Variants in SMOC2 observed in about 807,000 individuals in gnomAD.
SMOC2 encodes the protein SPARC-related modular calcium-binding protein 2.
A neutral mutation model predicts 61.4 loss-of-function variants in SMOC2; 39 were observed. The observed-to-expected ratio is 0.64, with a 90% confidence interval of 0.49 to 0.83. The LOEUF is 0.83. Ranked by LOEUF, SMOC2 falls within the 40% of genes least tolerant of loss-of-function variation. The pLI is 0.00. For synonymous variants in SMOC2, 247 were observed against 239.9 expected (o/e 1.03, Z -0.27); for missense variants, 556 against 592.9 (o/e 0.94, Z 0.65).
chr6:168,539,539 T>C (rs948042090), intron 4 of SMOC2, among the ~76,000 whole-genome samples: 2 of 152,246 alleles, frequency 1.3e-5, no homozygotes, highest in African/African-American at 4.8e-5. Flanking sequence ...ACACTGTGCA[T>C]GGTGTCTGGG....
chr6:168,566,966 A>G (rs1016267743), intron 7 of SMOC2, among the ~76,000 whole-genome samples: 3 of 152,222 alleles, frequency 2.0e-5, no homozygotes, highest in Admixed American at 1.3e-4. Context: ...CGCTATCCTT[A>G]TTTATGATTA....
intron 9 of SMOC2, among the ~76,000 whole-genome samples, chr6:168,634,932 C>G (rs1483544692): frequency 3.3e-5 from 5 of 152,120 alleles, no homozygotes; most frequent in Admixed American, 6.6e-5. Context: ...ATATTTGGCT[C>G]AAGGAATACA....
intron 1 of SMOC2, among the ~76,000 whole-genome samples, chr6:168,490,448 C>T (rs568403749): frequency 6.6e-6 from 1 of 152,100 alleles, no homozygotes; most frequent in Non-Finnish European, 1.5e-5. Flanking sequence ...CCAGAGGGGA[C>T]CTTTCACTGG....
At position 168,463,230 on chromosome 6, in the gene SMOC2, C is replaced by A. The variant is rs182094664; in HGVS notation, c.84+21776C>A. Among the ~76,000 whole-genome samples the A allele has an allele frequency of 2.4e-3, 363 of 152,216 alleles. 1 individual carries two copies. The highest frequency in any genetic ancestry group is 3.4e-3 in the Middle Eastern group (1 of 294). ...TGTCTTCCTAATATTAAGTAATAGA[C>A]CCCCTTTTCCCGTACTTACCCCAAG... On this transcript the variant is annotated intron_variant, in intron 1 of 12. Coordinates refer to ENST00000356284, the MANE Select transcript of SMOC2 (RefSeq NM_001166412.2).
chr6:168,579,562 G>A (rs553086695), intron 7 of SMOC2, among the ~76,000 whole-genome samples: 7 of 152,320 alleles, frequency 4.6e-5, no homozygotes, highest in Admixed American at 2.0e-4. Flanking sequence ...GAATAAAGTC[G>A]CATTTCTGTA....
chr6:168,639,003 C>A (rs1786820296), intron 9 of SMOC2, among the ~76,000 whole-genome samples: 2 of 152,028 alleles, frequency 1.3e-5, no homozygotes, highest in East Asian at 1.9e-4. Context: ...TGTGTGTAGA[C>A]CTGGCTTCGT....
chr6:168,498,803 C>G (rs1782654867), intron 1 of SMOC2, among the ~76,000 whole-genome samples: 1 of 119,984 alleles, frequency 8.3e-6, no homozygotes, highest in African/African-American at 2.7e-5. Context: ...GTCAGAGTCT[C>G]TGGGGGGATG....
chr6:168,550,863 TAAA>T (rs1002620160), intron 7 of SMOC2, among the ~76,000 whole-genome samples: 29 of 152,224 alleles, frequency 1.9e-4, no homozygotes, highest in Middle Eastern at 3.2e-3. Flanking sequence ...TCACCCCATT[TAAA>T]AAAGTTATTT....
chr6:168,655,614 C>T (rs2115279612), intron 11 of SMOC2: 1 of 343,712 alleles, frequency 2.9e-6, no homozygotes, highest in South Asian at 2.2e-5. Flanking sequence ...TCCCCCTGCA[C>T]ATGTGTGCTG....
chr6:168,474,190 C>A (rs772593069), intron 1 of SMOC2, among the ~76,000 whole-genome samples: 2 of 152,112 alleles, frequency 1.3e-5, no homozygotes, highest in Non-Finnish European at 1.5e-5. Context: ...CAGACCCGAT[C>A]CTGGCTTCCT....
chr6:168,465,922 C>CA, intron 1 of SMOC2, among the ~76,000 whole-genome samples: 1 of 112,726 alleles, frequency 8.9e-6, no homozygotes, highest in African/African-American at 3.6e-5. Context: ...AGAGCTGGAA[C>CA]TGGGGGGCTC....
At chr6:168,588,808 A>G (rs1355588784) in intron 7 of SMOC2, among the ~76,000 whole-genome samples, 3 of 152,226 alleles carry the variant, frequency 2.0e-5, no homozygotes, top group Non-Finnish European at 4.4e-5. Context: ...AGAAGTAAAT[A>G]CTGGTTAGGT....
At chr6:168,456,125 C>T (rs564980078) in intron 1 of SMOC2, among the ~76,000 whole-genome samples, 9 of 152,362 alleles carry the variant, frequency 5.9e-5, no homozygotes, top group Non-Finnish European at 1.0e-4. Context: ...TGGAGCTGGA[C>T]GTGTGGGCCG....
intron 7 of SMOC2, among the ~76,000 whole-genome samples, chr6:168,588,522 C>T (rs371236160): frequency 5.5e-4 from 84 of 152,262 alleles, no homozygotes; most frequent in African/African-American, 1.9e-3. Context: ...CCCCCAAATG[C>T]CATCAGCTTT....
intron 7 of SMOC2, 84 bp downstream of exon 7, chr6:168,549,287 A>G: frequency 7.7e-7 from 1 of 1,301,638 alleles, no homozygotes; most frequent in Non-Finnish European, 1.1e-6. Context: ...AGTTAAGTGT[A>G]TTGTACAGTT....
At chr6:168,473,725 C>T (rs568400225) in intron 1 of SMOC2, among the ~76,000 whole-genome samples, 3 of 152,050 alleles carry the variant, frequency 2.0e-5, no homozygotes, top group Non-Finnish European at 2.9e-5. Flanking sequence ...AACAGGTCAC[C>T]GTAACTGATG....
chr6:168,664,260 A>G, intron 12 of SMOC2, 149 bp downstream of exon 12: 2 of 715,654 alleles, frequency 2.8e-6, no homozygotes, highest in Non-Finnish European at 5.0e-6. Context: ...TACTGACTAC[A>G]CCCTATGGGG....
At chr6:168,650,051 G>A (rs1295072098) in intron 9 of SMOC2, among the ~76,000 whole-genome samples, 12 of 152,306 alleles carry the variant, frequency 7.9e-5, no homozygotes, top group Admixed American at 7.2e-4. Context: ...GGAAAGTCAC[G>A]CTGCAGAATG....
intron 1 of SMOC2, 114 bp downstream of exon 1, chr6:168,441,568 T>G (rs2114984571): frequency 2.3e-6 from 3 of 1,316,608 alleles, no homozygotes; most frequent in Non-Finnish European, 2.9e-6. Flanking sequence ...GGGGAGCAGG[T>G]GGCCCCGGGG....
Sources: allele counts gnomAD v4.1 joint callset (sites outside exome capture counted in the v4.1 genomes callset), GRCh38; gene constraint gnomAD v4.1.1; transcripts MANE v1.5; gene names NCBI Gene and HGNC (gene_info 2026-07-23, HGNC 2026-07-21).